IGF2BP2: variants seen among roughly 807,000 people sequenced by gnomAD.
The protein encoded by IGF2BP2 is insulin-like growth factor 2 mRNA-binding protein 2.
Under a neutral mutation model 75.8 loss-of-function variants are expected in IGF2BP2, and 17 were observed. The ratio of observed to expected loss-of-function variants is 0.22; its 90% CI spans 0.15 to 0.34. The LOEUF (loss-of-function observed/expected upper bound fraction) is 0.34, where lower values mean the gene tolerates loss of function less well. IGF2BP2 is among the 10% of genes least tolerant of loss of function. IGF2BP2 has a pLI of 1.00. For missense variants in IGF2BP2, 516 were observed against 772.4 expected (o/e 0.67, Z 3.93); for synonymous variants, 288 against 295.6 (o/e 0.97, Z 0.26).
intron 2 of IGF2BP2, among the ~76,000 whole-genome samples, chr3:185,778,265 AC>A (rs1734772612): frequency 1.3e-5 from 2 of 151,994 alleles, no homozygotes; most frequent in Admixed American, 6.6e-5. Flanking sequence ...ACTCACACAC[AC>A]CCCCACACTC....
intron 2 of IGF2BP2, among the ~76,000 whole-genome samples, chr3:185,715,430 G>A (rs1385881270): frequency 1.3e-5 from 2 of 152,092 alleles, no homozygotes; most frequent in South Asian, 2.1e-4. Flanking sequence ...GTCAGTACAC[G>A]CCAGGTAAAC....
chr3:185,731,907 G>A (rs1164514948), intron 2 of IGF2BP2, among the ~76,000 whole-genome samples: 3 of 151,992 alleles, frequency 2.0e-5, no homozygotes, highest in East Asian at 3.9e-4. Context: ...GCGTGAATCC[G>A]GGAGGCAGAG....
chr3:185,787,409 C>T (rs2149836142), intron 2 of IGF2BP2, among the ~76,000 whole-genome samples: 1 of 152,238 alleles, frequency 6.6e-6, no homozygotes, highest in African/African-American at 2.4e-5. Context: ...TAGATATTTT[C>T]ATTTTATAAC....
chr3:185,739,844 TCCC>T (rs1186022411), intron 2 of IGF2BP2, among the ~76,000 whole-genome samples: 2 of 54,228 alleles, frequency 3.7e-5, no homozygotes, highest in Non-Finnish European at 7.2e-5. Flanking sequence ...TTTTTTTCCC[TCCC>T]CCCCACCCCC....
chr3:185,723,416 A>G (rs536668209), intron 2 of IGF2BP2, among the ~76,000 whole-genome samples: 1 of 152,344 alleles, frequency 6.6e-6, no homozygotes, highest in South Asian at 2.1e-4. Flanking sequence ...TTCATAAACA[A>G]GGATGCTGCA....
At chr3:185,747,503 A>C (rs1578178741) in intron 2 of IGF2BP2, among the ~76,000 whole-genome samples, 1 of 152,126 alleles carries the variant, frequency 6.6e-6, no homozygotes, top group Non-Finnish European at 1.5e-5. Context: ...ACATGGTAAA[A>C]CCCCATCTCT....
intron 10 of IGF2BP2, among the ~76,000 whole-genome samples, chr3:185,661,134 A>G (rs1301951815): frequency 6.6e-6 from 1 of 152,234 alleles, no homozygotes; most frequent in Non-Finnish European, 1.5e-5. Flanking sequence ...TTGAACTTGC[A>G]ATCAGGAGCT....
intron 2 of IGF2BP2, chr3:185,814,112 G>C (rs1740288412): frequency 6.6e-6 from 1 of 152,188 alleles, no homozygotes; most frequent in Non-Finnish European, 1.5e-5. Flanking sequence ...TGGAAGTATA[G>C]AAAGAAAATG....
intron 2 of IGF2BP2, among the ~76,000 whole-genome samples, chr3:185,805,711 C>T (rs1474099766): frequency 3.3e-5 from 5 of 152,028 alleles, no homozygotes; most frequent in Admixed American, 3.3e-4. Flanking sequence ...ACGGAATTCC[C>T]TGTTCAGGCT....
chr3:185,728,394 T>G (rs1727661023), intron 2 of IGF2BP2: 1 of 152,242 alleles, frequency 6.6e-6, no homozygotes, highest in Non-Finnish European at 1.5e-5. Context: ...GTTACCCTTC[T>G]AGGATATGGG....
At chr3:185,759,958 T>C (rs57487162) in intron 2 of IGF2BP2, among the ~76,000 whole-genome samples, 40,769 of 152,140 alleles carry the variant, frequency 0.27, 6,115 homozygotes, top group African/African-American at 0.41. Context: ...CCATACCCAC[T>C]GGATTATTTT....
chr3:185,784,565 G>C (rs1167539464), intron 2 of IGF2BP2, among the ~76,000 whole-genome samples: 1 of 152,218 alleles, frequency 6.6e-6, no homozygotes, highest in Non-Finnish European at 1.5e-5. Context: ...TACTGCATCA[G>C]CACTGCTCAT....
chr3:185,718,205 G>C (rs1309890251), intron 2 of IGF2BP2: 3 of 152,162 alleles, frequency 2.0e-5, no homozygotes, highest in Non-Finnish European at 4.4e-5. Flanking sequence ...TTTTCATGCT[G>C]CATTGGCAGC....
chr3:185,745,028 G>A (rs1730064885), intron 2 of IGF2BP2, among the ~76,000 whole-genome samples: 1 of 152,074 alleles, frequency 6.6e-6, no homozygotes, highest in Non-Finnish European at 1.5e-5. Flanking sequence ...AAGTAACATC[G>A]TGTGGAGGCA....
Position 185,800,235 on chromosome 3 carries a change from C to T in IGF2BP2, c.239+22918G>A, listed in dbSNP as rs141879766. On this transcript the variant is annotated intron_variant, in intron 2 of 15. Coordinates refer to ENST00000382199, the MANE Select transcript of IGF2BP2 (RefSeq NM_006548.6). ...AGGTGGGAAATGAACAATGAGAACA[C>T]TTGGACACAAAGCGGGGAACGTCAT... 1.7e-3 allele frequency among the ~76,000 whole-genome samples: 266 copies of T among 152,160 alleles called. 2 individuals are homozygous for T. The highest frequency in any genetic ancestry group is 6.2e-3 in the African/African-American group (257 of 41,508).
At chr3:185,817,286 C>G (rs376405890) in intron 2 of IGF2BP2, among the ~76,000 whole-genome samples, 3 of 152,180 alleles carry the variant, frequency 2.0e-5, no homozygotes, top group Non-Finnish European at 4.4e-5. Context: ...GGAGACATAA[C>G]TATCAAATGA....
chr3:185,784,559 G>C (rs1735622721), intron 2 of IGF2BP2, among the ~76,000 whole-genome samples: 1 of 152,200 alleles, frequency 6.6e-6, no homozygotes, highest in East Asian at 1.9e-4. Context: ...GGGTACTACT[G>C]CATCAGCACT....
chr3:185,713,169 C>G, intron 2 of IGF2BP2: 1 of 332,942 alleles, frequency 3.0e-6, no homozygotes. Context: ...CAGAACTGCA[C>G]CCAAGGAACT....
At chr3:185,710,152 A>ATTTTTTTTT (rs567527407) in intron 2 of IGF2BP2, among the ~76,000 whole-genome samples, 2 of 117,546 alleles carry the variant, frequency 1.7e-5, no homozygotes, top group Non-Finnish European at 3.5e-5. Flanking sequence ...GTAGTTTTAG[A>ATTTTTTTTT]TTTTTTTTTT....
Sources: gnomAD v4.1 joint callset for allele counts (sites outside exome capture counted in the v4.1 genomes callset) on GRCh38, gnomAD v4.1.1 for gene constraint, MANE v1.5 for transcripts, NCBI Gene and HGNC (gene_info 2026-07-23, HGNC 2026-07-21) for gene names.